The following PDE4B variants were observed in gnomAD, a reference collection of about 807,000 sequenced individuals.
PDE4B encodes the protein 3',5'-cyclic-AMP phosphodiesterase 4B.
PDE4B carries 20 observed loss-of-function variants against 82.2 expected under a neutral mutation model. The ratio of observed to expected loss-of-function variants is 0.24; its 90% CI spans 0.17 to 0.35. PDE4B has a LOEUF of 0.35. Among genes scored for constraint, PDE4B ranks in the 10% least tolerant of loss-of-function variants. The pLI, the probability that PDE4B is intolerant of heterozygous loss-of-function variation, is 1.00. For missense variants in PDE4B, 655 were observed against 907.2 expected (o/e 0.72, Z 3.57); for synonymous variants, 320 against 318.9 (o/e 1.00, Z -0.04).
intron 3 of PDE4B, among the ~76,000 whole-genome samples, chr1:66,022,180 G>C (rs1447497525): frequency 6.6e-6 from 1 of 152,208 alleles, no homozygotes; most frequent in Non-Finnish European, 1.5e-5. Context: ...CTTTGCTGAA[G>C]TTGCTTATCA....
At chr1:65,922,097 G>A (rs1023009766) in intron 3 of PDE4B, among the ~76,000 whole-genome samples, 13 of 152,168 alleles carry the variant, frequency 8.5e-5, no homozygotes, top group Non-Finnish European at 1.8e-4. Flanking sequence ...ATTTGTCATG[G>A]AGCAAGAAAG....
chr1:65,993,101 A>G (rs1316882936), intron 3 of PDE4B: 19 of 1,613,708 alleles, frequency 1.2e-5, no homozygotes, highest in Non-Finnish European at 1.5e-5. Context: ...TGGTGAATAA[A>G]AGCATTCGGC....
chr1:65,920,273 CT>C (rs943922819), intron 3 of PDE4B, among the ~76,000 whole-genome samples: 5 of 152,204 alleles, frequency 3.3e-5, no homozygotes, highest in African/African-American at 1.2e-4. Context: ...CTGATTGCCC[CT>C]ACTACTCTCG....
chr1:66,178,739 T>TA (rs1451306647), intron 3 of PDE4B, among the ~76,000 whole-genome samples: 3 of 152,200 alleles, frequency 2.0e-5, no homozygotes, highest in Non-Finnish European at 4.4e-5. Context: ...ATGTTGTAAA[T>TA]AAGTGAAATA....
At chr1:66,332,184 G>A (rs1476699378) in intron 7 of PDE4B, 9 of 1,410,328 alleles carry the variant, frequency 6.4e-6, no homozygotes, top group South Asian at 1.6e-5. Flanking sequence ...TCTGCCTTTA[G>A]TTTTAGGACA....
chr1:66,259,373 C>G (rs1456899540), intron 6 of PDE4B, among the ~76,000 whole-genome samples: 1 of 152,130 alleles, frequency 6.6e-6, no homozygotes, highest in Non-Finnish European at 1.5e-5. Flanking sequence ...CAGACCAGGT[C>G]TCTAGCCACA....
chr1:66,180,361 C>T (rs1258729755), intron 3 of PDE4B, among the ~76,000 whole-genome samples: 1 of 152,104 alleles, frequency 6.6e-6, no homozygotes. Flanking sequence ...AATCAAGCTA[C>T]GTATCATATA....
At chr1:65,859,932 A>C (rs1410877150) in intron 1 of PDE4B, among the ~76,000 whole-genome samples, 2 of 152,176 alleles carry the variant, frequency 1.3e-5, no homozygotes, top group African/African-American at 4.8e-5. Context: ...GGAGTAGTGA[A>C]TTGTGTGGTT....
chr1:66,005,409 C>T (rs1652096262), intron 3 of PDE4B, among the ~76,000 whole-genome samples: 1 of 152,058 alleles, frequency 6.6e-6, no homozygotes, highest in South Asian at 2.1e-4. Context: ...CTCTTTATTT[C>T]TTGGTCATTT....
intron 3 of PDE4B, among the ~76,000 whole-genome samples, chr1:66,103,034 T>C (rs533070760): frequency 1.3e-5 from 2 of 152,250 alleles, no homozygotes; most frequent in Admixed American, 6.5e-5. Context: ...AACTGATCAA[T>C]TAAAGCTCAT....
intron 7 of PDE4B, among the ~76,000 whole-genome samples, chr1:66,279,754 A>G (rs867561356): frequency 1.3e-5 from 2 of 152,318 alleles, no homozygotes; most frequent in South Asian, 2.1e-4. Flanking sequence ...AAATCTATAG[A>G]GCAGAAAGTA....
chr1:65,839,038 G>A (rs1307742787), intron 1 of PDE4B, among the ~76,000 whole-genome samples: 6 of 152,034 alleles, frequency 3.9e-5, no homozygotes, highest in Non-Finnish European at 8.8e-5. Context: ...TGTAACTTGT[G>A]GCTTGTGCAG....
chr1:65,921,000 G>A (rs1244487770), intron 3 of PDE4B, among the ~76,000 whole-genome samples: 1 of 108,694 alleles, frequency 9.2e-6, no homozygotes, highest in African/African-American at 3.6e-5. Context: ...ACGGAGTCTC[G>A]CTCTGTCGCC....
At chr1:65,940,352 A>T (rs1180377096) in intron 3 of PDE4B, among the ~76,000 whole-genome samples, 1 of 152,126 alleles carries the variant, frequency 6.6e-6, no homozygotes, top group South Asian at 2.1e-4. Flanking sequence ...GGGAGGGAGC[A>T]ATTAGATCAT....
intron 3 of PDE4B, among the ~76,000 whole-genome samples, chr1:66,043,742 G>C (rs1654525172): frequency 6.6e-6 from 1 of 151,760 alleles, no homozygotes; most frequent in Non-Finnish European, 1.5e-5. Context: ...ACTTGGAACT[G>C]TTTGACCTAA....
chr1:66,258,387 G>T (rs1356760833), intron 6 of PDE4B, among the ~76,000 whole-genome samples: 1 of 152,172 alleles, frequency 6.6e-6, no homozygotes, highest in African/African-American at 2.4e-5. Context: ...AATTAATGTT[G>T]CTGATCCTTG....
At chr1:66,011,259 C>T (rs978381493) in intron 3 of PDE4B, among the ~76,000 whole-genome samples, 1 of 147,268 alleles carries the variant, frequency 6.8e-6, no homozygotes, top group Non-Finnish European at 1.5e-5. Flanking sequence ...AGTTCTTTAG[C>T]TCTATTTCTA....
chr1:66,348,377 A>G (rs1467576939), intron 8 of PDE4B, among the ~76,000 whole-genome samples: 2 of 152,184 alleles, frequency 1.3e-5, no homozygotes, highest in African/African-American at 4.8e-5. Context: ...TTATCAGATC[A>G]TCATCTCAAA....
At chr1:65,794,796 A>T (rs1645612825) in intron 1 of PDE4B, among the ~76,000 whole-genome samples, 1 of 152,204 alleles carries the variant, frequency 6.6e-6, no homozygotes, top group African/African-American at 2.4e-5. Context: ...AGATGGCATG[A>T]TCGATGCATT....
Sources: gnomAD v4.1 joint callset for allele counts (sites outside exome capture counted in the v4.1 genomes callset) on GRCh38, gnomAD v4.1.1 for gene constraint, MANE v1.5 for transcripts, NCBI Gene and HGNC (gene_info 2026-07-23, HGNC 2026-07-21) for gene names.